The following NDRG3 variants were observed in gnomAD, a reference collection of about 807,000 sequenced individuals.
NDRG3 encodes protein NDRG3.
A neutral mutation model predicts 57.2 loss-of-function variants in NDRG3; 23 were observed. The observed-to-expected ratio is 0.40, with a 90% CI of 0.29 to 0.57. NDRG3 has a LOEUF of 0.57. Among genes scored for constraint, NDRG3 ranks in the 20% least tolerant of loss-of-function variants. The pLI, the probability that NDRG3 is intolerant of heterozygous loss-of-function variation, is 0.42. For synonymous variants in NDRG3, 132 were observed against 162.6 expected, an observed-to-expected ratio of 0.81 and a Z score of 1.43; for missense variants, 384 against 457.3, an observed-to-expected ratio of 0.84 and a Z score of 1.46.
intron 2 of NDRG3, among the ~76,000 whole-genome samples, chr20:36,719,906 G>A (rs1225397125): frequency 1.3e-5 from 2 of 151,964 alleles, no homozygotes; most frequent in East Asian, 3.9e-4. Flanking sequence ...CACAAGGTCA[G>A]GAGTTCGAGA....
chr20:36,665,447 G>A, intron 10 of NDRG3, 146 bp from the exon 11 acceptor site: 1 of 748,628 alleles, frequency 1.3e-6, no homozygotes, highest in South Asian at 1.7e-5. Flanking sequence ...CCTATGACTT[G>A]GTTCTTGAGT....
intron 1 of NDRG3, among the ~76,000 whole-genome samples, chr20:36,722,420 T>C (rs914422994): frequency 3.3e-5 from 5 of 152,220 alleles, no homozygotes; most frequent in Non-Finnish European, 5.9e-5. Flanking sequence ...TGTTTTAGGC[T>C]ACTACATTTG....
intron 8 of NDRG3, among the ~76,000 whole-genome samples, chr20:36,673,327 ATTTTAAG>A (rs1284804479): frequency 1.3e-5 from 2 of 152,228 alleles, no homozygotes; most frequent in Non-Finnish European, 2.9e-5. Flanking sequence ...TGACTAGAAT[ATTTTAAG>A]TTTTAATAAA....
chr20:36,704,516 A>C (rs1350991743), intron 3 of NDRG3, among the ~76,000 whole-genome samples: 1 of 152,096 alleles, frequency 6.6e-6, no homozygotes, highest in Non-Finnish European at 1.5e-5. Flanking sequence ...CCTCTCTCTA[A>C]TGTTTTCCTT....
At chr20:36,661,190 A>G (rs1979173654) in intron 12 of NDRG3, among the ~76,000 whole-genome samples, 1 of 152,064 alleles carries the variant, frequency 6.6e-6, no homozygotes, top group African/African-American at 2.4e-5. Context: ...TTCTATCTCA[A>G]GGTCTTTGGC....
chr20:36,687,537 A>T lies in NDRG3; in HGVS notation c.275T>A (p.Val92Glu), dbSNP rs1981896433. Residue 92 changes from valine (V) to glutamate (E), a missense_variant, in exon 5 of 16, where the codon GTG (valine) becomes GAG (glutamate). By Grantham distance (121) the Val-to-Glu change is moderately radical (BLOSUM62 -2). Coordinates refer to ENST00000349004, the MANE Select transcript of NDRG3 (RefSeq NM_032013.4). The stretch of plus-strand genomic sequence containing the variant: ...ACCTTCCTGCTGGCCTGGGGCATCC[A>T]CATGACAGACAGCAAAGTGCTGGGT... ...EITQHFAVCH[V>E]DAPGQQEGAP... 6.2e-7 allele frequency: 1 copy of T among 1,613,992 alleles called. No individual in the cohort carries two copies. Among genetic ancestry groups the T allele is most frequent in the Non-Finnish European group, 8.5e-7 (1 of 1,180,010 alleles).
chr20:36,665,325 T>C (rs758293308), intron 10 of NDRG3, 24 bp from the exon 11 acceptor site: 2 of 1,611,874 alleles, frequency 1.2e-6, no homozygotes, highest in South Asian at 2.2e-5. Context: ...GCAGAAGCAA[T>C]GCCCTTTTTG....
In NDRG3 at chr20:36,742,274, C is replaced by T. The variant is rs942447851; in HGVS notation, c.-49+3771G>A. Reference sequence around the variant, plus strand: ...TGTTTTTGTATGTCTTCTCCCACCCCTGTTCTAAGCACATAAATAGAATCA... The same window carrying T: ...TGTTTTTGTATGTCTTCTCCCACCCTTGTTCTAAGCACATAAATAGAATCA... On this transcript the variant is annotated intron_variant, in intron 1 of 15. Coordinates refer to ENST00000349004, the MANE Select transcript of NDRG3 (RefSeq NM_032013.4). 3.3e-5 allele frequency among the ~76,000 whole-genome samples: 5 copies of T among 152,202 alleles called. No individual in the cohort carries two copies. In the South Asian group the frequency reaches 8.3e-4, roughly 25 times the overall value.
At chr20:36,707,192 T>C (rs562283135) in intron 2 of NDRG3, among the ~76,000 whole-genome samples, 185 bp from the exon 3 acceptor site, 1 of 152,168 alleles carries the variant, frequency 6.6e-6, no homozygotes, top group South Asian at 2.1e-4. Flanking sequence ...AAAGGCCAAA[T>C]CTTCAGAGGT....
intron 12 of NDRG3, among the ~76,000 whole-genome samples, chr20:36,663,560 A>G (rs115429333): frequency 0.012 from 1,794 of 152,296 alleles, 45 homozygotes; most frequent in African/African-American, 0.041. Flanking sequence ...TTTTTAACCA[A>G]TCGAATTAAC....
At chr20:36,660,592 G>T (rs868545022) in intron 12 of NDRG3, among the ~76,000 whole-genome samples, 1 of 148,578 alleles carries the variant, frequency 6.7e-6, no homozygotes, top group Non-Finnish European at 1.5e-5. Flanking sequence ...ACGGAGTCTC[G>T]CTCTGTCGCC....
chr20:36,693,593 T>C lies in NDRG3; in HGVS notation c.94-4809A>G, dbSNP rs538397880. 2.0e-5 allele frequency among the ~76,000 whole-genome samples: 3 copies of C among 151,988 alleles called. No individual in the cohort carries two copies. The East Asian group carries it at 5.8e-4, about 29-fold the overall frequency. On this transcript the variant is annotated intron_variant, in intron 3 of 15. Transcript: ENST00000349004. ...GGCAGGTAAGAGCAAAGCTTCTGTC[T>C]TAAGAGCCACTCCCCGTTGCACTGC...
At chr20:36,680,035 G>T (rs1033589795) in intron 8 of NDRG3, among the ~76,000 whole-genome samples, 5 of 150,570 alleles carry the variant, frequency 3.3e-5, no homozygotes, top group African/African-American at 1.2e-4. Flanking sequence ...TGTTGGTCAG[G>T]CTGGTCTCAA....
At chr20:36,721,426 G>A (rs1405293373) in intron 2 of NDRG3, among the ~76,000 whole-genome samples, 1 of 151,926 alleles carries the variant, frequency 6.6e-6, no homozygotes, top group Non-Finnish European at 1.5e-5. Context: ...CTACTTGGGA[G>A]GCTGAGGCAA....
intron 3 of NDRG3, among the ~76,000 whole-genome samples, chr20:36,704,769 C>G (rs751311215): frequency 6.6e-6 from 1 of 152,210 alleles, no homozygotes; most frequent in Non-Finnish European, 1.5e-5. Flanking sequence ...TTATTACAAA[C>G]GAGTTTGGAA....
intron 2 of NDRG3, among the ~76,000 whole-genome samples, chr20:36,713,517 A>C (rs900008976): frequency 6.6e-6 from 1 of 152,196 alleles, no homozygotes; most frequent in African/African-American, 2.4e-5. Context: ...TCCTAACATG[A>C]GATCTGGTCA....
chr20:36,660,148 C>T (rs1196094418), intron 13 of NDRG3, among the ~76,000 whole-genome samples, 189 bp downstream of exon 13: 1 of 151,894 alleles, frequency 6.6e-6, no homozygotes, highest in Non-Finnish European at 1.5e-5. Context: ...GTGGAGGTTG[C>T]AGTGAGCTGA....
At chr20:36,669,699 A>G (rs901696331) in intron 9 of NDRG3, among the ~76,000 whole-genome samples, 1 of 151,848 alleles carries the variant, frequency 6.6e-6, no homozygotes, top group South Asian at 2.1e-4. Context: ...GGGTCCCACT[A>G]TGGCGGACCT....
chr20:36,726,464 T>C (rs2148207121), intron 1 of NDRG3, among the ~76,000 whole-genome samples: 1 of 152,288 alleles, frequency 6.6e-6, no homozygotes. Context: ...CCATTTTTGC[T>C]CCGCTTTCAA....
Sources: allele counts gnomAD v4.1 joint callset (sites outside exome capture counted in the v4.1 genomes callset), GRCh38; gene constraint gnomAD v4.1.1; transcripts MANE v1.5; gene names NCBI Gene and HGNC (gene_info 2026-07-23, HGNC 2026-07-21).